The following ANO2 variants were observed in gnomAD, a reference collection of about 807,000 sequenced individuals.
ANO2 encodes anoctamin 2.
ANO2 carries 101 observed loss-of-function variants against 124.2 expected under a neutral mutation model. The ratio of observed to expected loss-of-function variants is 0.81; its 90% CI spans 0.69 to 0.96. The LOEUF (loss-of-function observed/expected upper bound fraction) is 0.96, where lower values mean the gene tolerates loss of function less well. Ranked by LOEUF, ANO2 falls within the 40% of genes least tolerant of loss-of-function variation. The pLI is 0.00. For missense variants in ANO2, 1,293 were observed against 1,274.5 expected (o/e 1.01, Z -0.22); for synonymous variants, 486 against 482.5 (o/e 1.01, Z -0.09).
chr12:5,707,713 C>T (rs1459765404), intron 14 of ANO2, among the ~76,000 whole-genome samples: 1 of 152,222 alleles, frequency 6.6e-6, no homozygotes, highest in Non-Finnish European at 1.5e-5. Flanking sequence ...ATCTTTGAAA[C>T]ATTTCCAACA....
chr12:5,721,499 G>GTT (rs531965246), intron 14 of ANO2, among the ~76,000 whole-genome samples: 1,924 of 133,532 alleles, frequency 0.014, 36 homozygotes, highest in African/African-American at 0.047. Context: ...TTGGTTTTGG[G>GTT]TTTTTTTTTT....
At chr12:5,798,364 G>A (rs370376267) in intron 10 of ANO2, among the ~76,000 whole-genome samples, 82 of 152,072 alleles carry the variant, frequency 5.4e-4, no homozygotes, top group East Asian at 1.4e-3. Context: ...AGCTCTGTCC[G>A]CTGGGAGGGC....
intron 14 of ANO2, among the ~76,000 whole-genome samples, chr12:5,702,499 C>A (rs1949442127): frequency 6.7e-6 from 1 of 149,440 alleles, no homozygotes; most frequent in Non-Finnish European, 1.5e-5. Context: ...GCAAAATGAG[C>A]AAAAGAGAAC....
At chr12:5,695,025 A>G (rs541770552) in intron 14 of ANO2, among the ~76,000 whole-genome samples, 1 of 152,192 alleles carries the variant, frequency 6.6e-6, no homozygotes, top group South Asian at 2.1e-4. Context: ...CTTAAGTGCT[A>G]CATAAGTGTC....
In ANO2 at chr12:5,900,197, A is replaced by T. The variant is rs1425558362; in HGVS notation, c.534+20843T>A. Among the ~76,000 whole-genome samples, 2 of 152,176 alleles carry T rather than the reference A, an allele frequency of 1.3e-5. No homozygotes were observed. The highest frequency in any genetic ancestry group is 6.5e-5 in the Admixed American group (1 of 15,280). On this transcript the variant is annotated intron_variant, in intron 3 of 24. Coordinates refer to ENST00000682330, the MANE Select transcript of ANO2 (RefSeq NM_001364791.2). This position sits in a 1 kb window ranked among gnomAD's most constrained non-coding sequence, Gnocchi z 4.2. ...CTGGATTTCAATGTAATCACGGACA[A>T]CCAAGAGCCCTGAGAGGATGGAGAG... is the stretch of plus-strand genomic sequence containing the variant.
At chr12:5,855,748 G>T (rs6489664) in intron 3 of ANO2, among the ~76,000 whole-genome samples, 1 of 152,268 alleles carries the variant, frequency 6.6e-6, no homozygotes, top group East Asian at 1.9e-4. Context: ...AAGCAAGGCA[G>T]GGAAAATGTA....
At chr12:5,564,286 G>T (rs1941618893) in intron 24 of ANO2, among the ~76,000 whole-genome samples, 1 of 152,178 alleles carries the variant, frequency 6.6e-6, no homozygotes, top group South Asian at 2.1e-4. Flanking sequence ...TCCCTTTGCT[G>T]GTGCACACAG....
At chr12:5,835,049 C>T (rs1954275420) in intron 4 of ANO2, among the ~76,000 whole-genome samples, 1 of 152,158 alleles carries the variant, frequency 6.6e-6, no homozygotes, top group African/African-American at 2.4e-5. Flanking sequence ...CAGTGACAGG[C>T]ATTTATCTCA....
intron 3 of ANO2, among the ~76,000 whole-genome samples, chr12:5,861,916 G>A (rs903422992): frequency 2.6e-5 from 4 of 152,158 alleles, no homozygotes; most frequent in African/African-American, 4.8e-5. Flanking sequence ...GTGTAGCCTT[G>A]AGACAGAGGG....
intron 10 of ANO2, among the ~76,000 whole-genome samples, chr12:5,777,796 T>C (rs1952273521): frequency 1.3e-5 from 2 of 152,184 alleles, no homozygotes; most frequent in African/African-American, 4.8e-5. Context: ...CACCCAGCCC[T>C]GTCATGAACG....
At chr12:5,580,292 A>G (rs1436003476) in intron 20 of ANO2, among the ~76,000 whole-genome samples, 5 of 152,240 alleles carry the variant, frequency 3.3e-5, no homozygotes, top group Non-Finnish European at 5.9e-5. Context: ...TGGATACATA[A>G]TAACTGTTTA....
chr12:5,775,280 CAGAG>C (rs140979068), intron 10 of ANO2, among the ~76,000 whole-genome samples: 8 of 150,004 alleles, frequency 5.3e-5, no homozygotes, highest in African/African-American at 1.5e-4. Flanking sequence ...TGCACACACA[CAGAG>C]AGAGAGAGAG....
intron 1 of ANO2, among the ~76,000 whole-genome samples, chr12:5,932,442 G>C (rs1341437241): frequency 2.0e-5 from 3 of 148,262 alleles, no homozygotes; most frequent in African/African-American, 7.4e-5. Flanking sequence ...TGACTAATAA[G>C]GAAAGAAGGT....
chr12:5,738,836 CCT>C (rs1950978606), intron 13 of ANO2, among the ~76,000 whole-genome samples: 1 of 152,164 alleles, frequency 6.6e-6, no homozygotes, highest in Non-Finnish European at 1.5e-5. Context: ...CTCCCCAACT[CCT>C]CAGTTTCACA....
chr12:5,807,577 T>C (rs1953240165), intron 7 of ANO2, among the ~76,000 whole-genome samples: 1 of 152,192 alleles, frequency 6.6e-6, no homozygotes, highest in Non-Finnish European at 1.5e-5. Context: ...AAAATTATGT[T>C]TTAATATCAA....
chr12:5,755,202 A>G (rs1050084834), intron 10 of ANO2, among the ~76,000 whole-genome samples: 3 of 151,844 alleles, frequency 2.0e-5, no homozygotes, highest in East Asian at 1.9e-4. Context: ...TTAAATTTCA[A>G]TACTTTGAAT....
chr12:5,578,939 C>T (rs1942583911), intron 20 of ANO2, among the ~76,000 whole-genome samples: 1 of 152,238 alleles, frequency 6.6e-6, no homozygotes, highest in African/African-American at 2.4e-5. Flanking sequence ...ACAGTAAAAA[C>T]AGCTATAGAC....
chr12:5,643,809 G>A (rs73269226), intron 15 of ANO2, among the ~76,000 whole-genome samples: 2,718 of 152,178 alleles, frequency 0.018, 92 homozygotes, highest in African/African-American at 0.062. Context: ...CCATTTTATA[G>A]GCTCATTGGC....
Position 5,695,402 on chromosome 12 carries a change from G to T in ANO2, c.1545+37118C>A, listed in dbSNP as rs1434825518. On this transcript the variant is annotated intron_variant, in intron 14 of 24. Coordinates refer to ENST00000682330, the MANE Select transcript of ANO2 (RefSeq NM_001364791.2). The stretch of plus-strand genomic sequence containing the variant: ...AAAAAAAAAAAAAAAGCACATTCCA[G>T]GTCACAAAGCAAATCTCAAAAGTAC... Among the ~76,000 whole-genome samples the T allele has an allele frequency of 4.1e-5, 6 of 146,424 alleles. No individual in the cohort carries two copies. The East Asian group carries it at 7.9e-4, about 19-fold the overall frequency.
Sources: gnomAD v4.1 joint callset for allele counts (sites outside exome capture counted in the v4.1 genomes callset) on GRCh38, gnomAD v4.1.1 for gene constraint, Gnocchi (gnomAD v3.1) non-coding constraint, MANE v1.5 for transcripts, NCBI Gene and HGNC (gene_info 2026-07-23, HGNC 2026-07-21) for gene names.